The following KLHL1 variants were observed in gnomAD, a reference collection of about 807,000 sequenced individuals.
KLHL1 encodes kelch like family member 1.
In KLHL1, 47 loss-of-function variants were observed where a neutral mutation model predicts 77.7. That is an observed-to-expected ratio of 0.60 (90% confidence interval 0.48 to 0.77). The LOEUF is 0.77. Among genes scored for constraint, KLHL1 ranks in the 30% least tolerant of loss-of-function variants. KLHL1 has a pLI of 0.00. For missense variants in KLHL1, 925 were observed against 910.8 expected (o/e 1.02, Z -0.20); for synonymous variants, 360 against 325.2 (o/e 1.11, Z -1.15).
intron 1 of KLHL1, among the ~76,000 whole-genome samples, chr13:69,977,048 T>A (rs1399015690): frequency 1.3e-5 from 2 of 152,126 alleles, no homozygotes; most frequent in Non-Finnish European, 2.9e-5. Flanking sequence ...TCTGATTTCA[T>A]TAAGCTGAAC....
At chr13:70,054,414 T>C (rs1277621325) in intron 1 of KLHL1, among the ~76,000 whole-genome samples, 1 of 152,146 alleles carries the variant, frequency 6.6e-6, no homozygotes, top group African/African-American at 2.4e-5. Context: ...CCTCTGCATG[T>C]AGCAGTGGTT....
intron 5 of KLHL1, among the ~76,000 whole-genome samples, chr13:69,878,352 A>T (rs1880845732): frequency 6.6e-6 from 1 of 151,918 alleles, no homozygotes; most frequent in African/African-American, 2.4e-5. Flanking sequence ...GAATTTTGTA[A>T]GCAGCCCACA....
At chr13:69,857,525 C>T (rs1480814326) in intron 5 of KLHL1, among the ~76,000 whole-genome samples, 1 of 151,954 alleles carries the variant, frequency 6.6e-6, no homozygotes, top group Non-Finnish European at 1.5e-5. Flanking sequence ...GTTTAAAACA[C>T]GTTATTGATA....
chr13:69,736,783 A>T (rs1873783335), intron 8 of KLHL1, among the ~76,000 whole-genome samples: 1 of 152,074 alleles, frequency 6.6e-6, no homozygotes, highest in South Asian at 2.1e-4. Context: ...ACTGGTGATC[A>T]TTATTCTAAG....
intron 4 of KLHL1, among the ~76,000 whole-genome samples, chr13:69,913,220 C>T (rs1010771026): frequency 6.6e-6 from 1 of 152,162 alleles, no homozygotes; most frequent in Non-Finnish European, 1.5e-5. Flanking sequence ...GACTCCAAGT[C>T]ACTTTACCCA....
intron 6 of KLHL1, among the ~76,000 whole-genome samples, chr13:69,808,438 G>T (rs979323207): frequency 6.6e-6 from 1 of 151,982 alleles, no homozygotes; most frequent in African/African-American, 2.4e-5. Context: ...AAACCTTTCT[G>T]CAACTAAGGA....
intron 9 of KLHL1, among the ~76,000 whole-genome samples, chr13:69,715,993 T>G (rs975308445): frequency 6.6e-6 from 1 of 152,124 alleles, no homozygotes; most frequent in Admixed American, 6.6e-5. Context: ...TATATGGAAA[T>G]AATACTCTGC....
At chr13:69,827,524 G>T (rs942232846) in intron 6 of KLHL1, among the ~76,000 whole-genome samples, 2 of 152,086 alleles carry the variant, frequency 1.3e-5, no homozygotes, top group African/African-American at 4.8e-5. Flanking sequence ...GAGGTCAGGA[G>T]ATAGAGACCA....
chr13:70,023,367 C>A lies in KLHL1; in HGVS notation c.498-47565G>T, dbSNP rs551374878. On this transcript the variant is annotated intron_variant, in intron 1 of 10. Transcript: ENST00000377844. ...TGAAACACTTGGTAGTGTGTTGACA[C>A]CATCATAACACTTCACCTAAAAATA... is the stretch of plus-strand genomic sequence containing the variant. 1.6e-4 allele frequency among the ~76,000 whole-genome samples: 25 copies of A among 151,930 alleles called. No individual in the cohort carries two copies. In the South Asian group the frequency reaches 5.0e-3, roughly 30 times the overall value.
chr13:70,064,293 A>G (rs534196585), intron 1 of KLHL1, among the ~76,000 whole-genome samples: 7 of 152,290 alleles, frequency 4.6e-5, no homozygotes, highest in African/African-American at 1.4e-4. Context: ...AATCTCAGCC[A>G]AAACATACAA....
intron 4 of KLHL1, among the ~76,000 whole-genome samples, chr13:69,925,859 T>C (rs959730234): frequency 6.6e-6 from 1 of 152,190 alleles, no homozygotes; most frequent in African/African-American, 2.4e-5. Flanking sequence ...ACTGTGTGAG[T>C]TATGGTTTTT....
intron 4 of KLHL1, among the ~76,000 whole-genome samples, chr13:69,898,913 C>G (rs1028144552): frequency 2.0e-5 from 3 of 152,094 alleles, no homozygotes; most frequent in Non-Finnish European, 4.4e-5. Context: ...TGTATTCAGT[C>G]TTTGGTGCTA....
At position 70,024,620 on chromosome 13, in the gene KLHL1, T is replaced by TTCTCTTTC. The variant is rs1885886827; in HGVS notation, c.498-48819_498-48818insGAAAGAGA. On this transcript the variant is annotated intron_variant, in intron 1 of 10. Transcript: ENST00000377844. ...CTGGTTAGGGGTGAGGAGAAAAGAT[T>TTCTCTTTC]TCTCTCTCTCTCTCTCTCTCTCTCT... 2.3e-5 allele frequency among the ~76,000 whole-genome samples: 3 copies of TTCTCTTTC among 130,406 alleles called. No homozygotes were observed. In the South Asian group the frequency reaches 8.1e-4, roughly 35 times the overall value. The allele number at this position is 130,406 out of a possible 152,430, so 85.6% of individuals were successfully genotyped here.
chr13:69,992,053 G>A (rs544108949), intron 1 of KLHL1, among the ~76,000 whole-genome samples: 3 of 152,066 alleles, frequency 2.0e-5, no homozygotes, highest in South Asian at 4.1e-4. Flanking sequence ...AGCCCTCTGG[G>A]AGGTTCTGTT....
At chr13:70,067,407 G>A (rs1442119977) in intron 1 of KLHL1, among the ~76,000 whole-genome samples, 1 of 152,060 alleles carries the variant, frequency 6.6e-6, no homozygotes, top group Non-Finnish European at 1.5e-5. Flanking sequence ...TTAATGATAT[G>A]TGAAGGGGAA....
intron 1 of KLHL1, among the ~76,000 whole-genome samples, chr13:70,002,219 T>C (rs951770486): frequency 1.3e-5 from 2 of 151,570 alleles, no homozygotes; most frequent in African/African-American, 4.8e-5. Context: ...GAAGAAAATA[T>C]AACAATATTT....
In KLHL1 at chr13:69,707,794, T is replaced by A. The variant is rs1875694606; in HGVS notation, c.2018A>T (p.Tyr673Phe). The change falls in exon 10 of 11, where the codon TAT (tyrosine) becomes TTT (phenylalanine). Residue 673 changes from tyrosine to phenylalanine, a missense_variant and splice_region_variant. By Grantham distance (22) the Tyr-to-Phe change is conservative. Coordinates refer to ENST00000377844, the MANE Select transcript of KLHL1 (RefSeq NM_020866.3). ...CSRLLDYVER[Y>F]DPKTDTWTMV... ...GGTCCAAGTGTCTGTTTTGGGATCA[T>A]ATCTAAAATTCAATGACAATAGTAC... The A allele has an allele frequency of 6.2e-7, 1 of 1,611,586 alleles. No homozygotes were observed. The highest frequency in any genetic ancestry group is 8.5e-7 in the Non-Finnish European group (1 of 1,178,514).
chr13:69,847,130 A>G (rs946545289), intron 5 of KLHL1, among the ~76,000 whole-genome samples: 3 of 151,398 alleles, frequency 2.0e-5, no homozygotes, highest in African/African-American at 7.3e-5. Context: ...ATTGTAAATA[A>G]CTTTTACAAT....
chr13:69,833,127 G>GT (rs1878829249), intron 6 of KLHL1, among the ~76,000 whole-genome samples: 1 of 152,052 alleles, frequency 6.6e-6, no homozygotes, highest in East Asian at 1.9e-4. Flanking sequence ...AACTCAATAA[G>GT]TTTCTGCACA....
Sources: allele counts gnomAD v4.1 joint callset (sites outside exome capture counted in the v4.1 genomes callset), GRCh38; gene constraint gnomAD v4.1.1; transcripts MANE v1.5; gene names NCBI Gene and HGNC (gene_info 2026-07-23, HGNC 2026-07-21).